Variants in SHISA6 observed in about 807,000 individuals in gnomAD.
The protein encoded by SHISA6 is protein shisa-6.
In SHISA6, 22 loss-of-function variants were observed where a neutral mutation model predicts 47.9. That is an observed-to-expected ratio of 0.46 (90% CI 0.33 to 0.66). The LOEUF (loss-of-function observed/expected upper bound fraction) is 0.66. Ranked by LOEUF, SHISA6 falls within the 30% of genes least tolerant of loss-of-function variation. The pLI is 0.02. For synonymous variants in SHISA6, 388 were observed against 337.8 expected, an observed-to-expected ratio of 1.15 and a Z score of -1.63; for missense variants, 680 against 764.6, an observed-to-expected ratio of 0.89 and a Z score of 1.30.
intron 2 of SHISA6, among the ~76,000 whole-genome samples, chr17:11,332,800 CA>C (rs995480336): frequency 9.2e-5 from 14 of 152,126 alleles, no homozygotes; most frequent in African/African-American, 3.4e-4. Flanking sequence ...GAAACAATTC[CA>C]ATAAATTAGT....
chr17:11,464,670 C>G (rs571360318), intron 3 of SHISA6, among the ~76,000 whole-genome samples: 1 of 152,292 alleles, frequency 6.6e-6, no homozygotes, highest in Non-Finnish European at 1.5e-5. Context: ...TGGCCGGGCA[C>G]GGTGGCTCAC....
intron 2 of SHISA6, among the ~76,000 whole-genome samples, chr17:11,320,353 G>A (rs980392800): frequency 6.6e-6 from 1 of 151,978 alleles, no homozygotes; most frequent in Admixed American, 6.6e-5. Flanking sequence ...GGGGGGTGGG[G>A]CTGGTATAAG....
chr17:11,414,101 C>T (rs1309627503), intron 3 of SHISA6, among the ~76,000 whole-genome samples: 2 of 151,548 alleles, frequency 1.3e-5, no homozygotes, highest in Non-Finnish European at 2.9e-5. Context: ...TCCCATTGCT[C>T]CTCCTTTCCC....
At chr17:11,362,943 C>G (rs914193292) in intron 2 of SHISA6, among the ~76,000 whole-genome samples, 1 of 152,222 alleles carries the variant, frequency 6.6e-6, no homozygotes, top group African/African-American at 2.4e-5. Context: ...AACTCCTTGT[C>G]AACTGTTGCA....
chr17:11,320,631 C>T (rs889712671), intron 2 of SHISA6, among the ~76,000 whole-genome samples: 6 of 149,572 alleles, frequency 4.0e-5, no homozygotes, highest in Non-Finnish European at 5.9e-5. Context: ...GCACTCCAGC[C>T]TGGGCAACAA....
chr17:11,283,779 T>C lies in SHISA6; in HGVS notation c.799+20253T>C, dbSNP rs955008715. The stretch of plus-strand genomic sequence containing the variant: ...TTTGGATTTCAAGAGCAGAAAACTT[T>C]AGTGACTAATGGGAAAATTCCAGTT... On this transcript the variant is annotated intron_variant, in intron 2 of 5. Coordinates refer to ENST00000441885, the MANE Select transcript of SHISA6 (RefSeq NM_207386.4). Among the ~76,000 whole-genome samples, 6 of 152,330 alleles carry C rather than the reference T, an allele frequency of 3.9e-5. No homozygotes were observed. In the East Asian group the frequency reaches 1.2e-3, roughly 29 times the overall value.
chr17:11,438,178 T>C lies in SHISA6; in HGVS notation c.895+58669T>C, dbSNP rs143353652. Among the ~76,000 whole-genome samples, 74 of 152,338 alleles carry C rather than the reference T, an allele frequency of 4.9e-4. 3 individuals carry two copies. In the East Asian group the frequency reaches 0.013, roughly 27 times the overall value. On this transcript the variant is annotated intron_variant, in intron 3 of 5. Coordinates refer to ENST00000441885, the MANE Select transcript of SHISA6 (RefSeq NM_207386.4). Reference sequence around the variant, plus strand: ...TGGTACATGGATTTTGTTTAATTCCTAATTATTTCATGACTTGTTTTGACC... The same window carrying C: ...TGGTACATGGATTTTGTTTAATTCCCAATTATTTCATGACTTGTTTTGACC...
At chr17:11,415,632 A>G (rs1219821140) in intron 3 of SHISA6, among the ~76,000 whole-genome samples, 1 of 152,250 alleles carries the variant, frequency 6.6e-6, no homozygotes, top group African/African-American at 2.4e-5. Flanking sequence ...CAAGATCTTT[A>G]TTAATGAGGT....
chr17:11,357,484 C>G (rs761672584), intron 2 of SHISA6, among the ~76,000 whole-genome samples: 1 of 152,106 alleles, frequency 6.6e-6, no homozygotes, highest in Non-Finnish European at 1.5e-5. Context: ...TAGAGAGCAA[C>G]CGATGTGTCT....
intron 2 of SHISA6, among the ~76,000 whole-genome samples, chr17:11,378,384 A>T (rs1912887734): frequency 6.6e-6 from 1 of 152,068 alleles, no homozygotes; most frequent in Non-Finnish European, 1.5e-5. Flanking sequence ...TTTTTACAGC[A>T]CTGTGATTCT....
At chr17:11,330,489 G>GGGGAGA (rs138793264) in intron 2 of SHISA6, among the ~76,000 whole-genome samples, 7 of 147,548 alleles carry the variant, frequency 4.7e-5, no homozygotes, top group South Asian at 2.2e-4. Flanking sequence ...GTAATGCTAG[G>GGGGAGA]GAGAGAGAGA....
intron 3 of SHISA6, among the ~76,000 whole-genome samples, chr17:11,536,074 A>C (rs1567632856): frequency 1.7e-5 from 2 of 115,482 alleles, no homozygotes; most frequent in African/African-American, 6.8e-5. Context: ...ATAAAGCTCC[A>C]CTGATAGGGA....
In SHISA6 at chr17:11,241,632, G is replaced by T. The variant is rs914467106; in HGVS notation, c.210G>T (p.Ala70=). Reference sequence around the variant, plus strand: ...CCCGGGCGCCCGGAATCCCGGAGGCGGGAAGCCGGCGGGGGCAGCCCGCGG... The same window carrying T: ...CCCGGGCGCCCGGAATCCCGGAGGCTGGAAGCCGGCGGGGGCAGCCCGCGG... ...GTARAPGIPE[A]GSRRGQPAAA... is the part of the protein sequence containing the mutation. Residue 70 remains alanine (A), a synonymous_variant, in exon 1 of 6, where the codon GCG becomes GCT. Transcript: ENST00000441885. The surrounding 1 kb of genome is among the most constrained non-coding windows in gnomAD (Gnocchi z 5.5). 6.7e-6 allele frequency: 9 copies of T among 1,347,198 alleles called. No individual in the cohort carries two copies. The African/African-American group carries it at 1.4e-4, about 21-fold the overall frequency. 83.5% of individuals were successfully genotyped at this position (1,347,198 alleles called of 1,614,324 possible).
intron 2 of SHISA6, among the ~76,000 whole-genome samples, chr17:11,332,003 T>G (rs1911135383): frequency 6.6e-6 from 1 of 151,880 alleles, no homozygotes; most frequent in Non-Finnish European, 1.5e-5. Context: ...TATCCTTCAG[T>G]TCTCATCCAT....
intron 3 of SHISA6, among the ~76,000 whole-genome samples, chr17:11,513,289 T>C (rs1335587658): frequency 2.0e-5 from 3 of 151,898 alleles, no homozygotes; most frequent in Non-Finnish European, 4.4e-5. Flanking sequence ...ATACACATAC[T>C]TTTCCAGTCT....
intron 2 of SHISA6, among the ~76,000 whole-genome samples, chr17:11,348,895 A>G (rs1351070145): frequency 6.6e-6 from 1 of 152,212 alleles, no homozygotes; most frequent in Non-Finnish European, 1.5e-5. Context: ...AAACATAGAA[A>G]CAAGTATCAG....
At chr17:11,336,970 A>G (rs530092453) in intron 2 of SHISA6, among the ~76,000 whole-genome samples, 24 of 152,304 alleles carry the variant, frequency 1.6e-4, no homozygotes, top group Middle Eastern at 3.4e-3. Context: ...TCTGTGTGAG[A>G]TGAGATGAGG....
chr17:11,548,950 G>T (rs1487335054), intron 3 of SHISA6, among the ~76,000 whole-genome samples: 1 of 152,082 alleles, frequency 6.6e-6, no homozygotes, highest in African/African-American at 2.4e-5. Flanking sequence ...GCAAAAACTA[G>T]ATATTTTTAT....
At chr17:11,410,048 G>T (rs1010840608) in intron 3 of SHISA6, among the ~76,000 whole-genome samples, 8 of 152,154 alleles carry the variant, frequency 5.3e-5, no homozygotes, top group African/African-American at 1.4e-4. Context: ...TCTTGTCATC[G>T]TTTTCTGTTG....
Sources: allele counts gnomAD v4.1 joint callset (sites outside exome capture counted in the v4.1 genomes callset), GRCh38; gene constraint gnomAD v4.1.1; non-coding constraint Gnocchi (gnomAD v3.1); transcripts MANE v1.5; gene names NCBI Gene and HGNC (gene_info 2026-07-23, HGNC 2026-07-21).